TASOR: variants seen among roughly 807,000 people sequenced by gnomAD.
The protein encoded by TASOR is protein TASOR.
A neutral mutation model predicts 178.6 loss-of-function variants in TASOR; 53 were observed. The ratio of observed to expected loss-of-function variants is 0.30; its 90% CI spans 0.24 to 0.37. TASOR has a LOEUF of 0.37. TASOR is among the 10% of genes least tolerant of loss of function. The pLI, the probability that TASOR is intolerant of heterozygous loss-of-function variation, is 1.00. For synonymous variants in TASOR, 713 were observed against 696.2 expected (o/e 1.02, Z -0.38); for missense variants, 1,815 against 1,971.4 (o/e 0.92, Z 1.50).
chr3:56,630,901 A>T (rs900849759), intron 18 of TASOR, among the ~76,000 whole-genome samples: 1 of 135,508 alleles, frequency 7.4e-6, no homozygotes, highest in Non-Finnish European at 1.6e-5. Context: ...AAATCCTTTT[A>T]AAAAAAGGAG....
intron 21 of TASOR, among the ~76,000 whole-genome samples, chr3:56,626,101 T>C (rs2076793497): frequency 6.6e-6 from 1 of 152,242 alleles, no homozygotes; most frequent in South Asian, 2.1e-4. Context: ...AAGGAAATAA[T>C]GATTGACACA....
At chr3:56,640,328 C>G (rs578032411) in intron 15 of TASOR, among the ~76,000 whole-genome samples, 198 bp from the exon 16 acceptor site, 72 of 152,188 alleles carry the variant, frequency 4.7e-4, no homozygotes, top group Non-Finnish European at 8.8e-4. Flanking sequence ...TAATTTAGAA[C>G]AGGGATTGGT....
intron 13 of TASOR, among the ~76,000 whole-genome samples, chr3:56,648,594 G>GCACT (rs751507140): frequency 9.9e-5 from 13 of 130,910 alleles, no homozygotes; most frequent in Admixed American, 9.9e-4. Flanking sequence ...TCGCGCCCCT[G>GCACT]CACTCCAGCC....
Position 56,622,484 on chromosome 3 carries a change from G to A in TASOR, c.*553C>T, listed in dbSNP as rs1471809150. ...AAAAGTTACCAGAATTTTAGCAATA[G>A]GCAGTTTTTACATGACTAAGCCTAG... is the stretch of plus-strand genomic sequence containing the variant. On this transcript the variant is annotated 3_prime_UTR_variant, in exon 24 of 24. Coordinates refer to ENST00000683822, the MANE Select transcript of TASOR (RefSeq NM_001365635.2). 6.6e-6 allele frequency: 1 copy of A among 152,510 alleles called. No individual in the cohort carries two copies. Among genetic ancestry groups the A allele is most frequent in the African/African-American group, 2.4e-5 (1 of 41,416 alleles). The allele number at this position is 152,510 out of a possible 1,614,324, so 9.4% of individuals were successfully genotyped here. A position where few individuals can be genotyped will look rare whatever the true frequency, so the allele number is the denominator to read the frequency against.
In TASOR at chr3:56,641,494, T is replaced by G; in HGVS notation, c.2474A>C (p.Tyr825Ser). Residue 825 changes from tyrosine to serine, a missense_variant, in exon 15 of 24, where the codon TAT (tyrosine) becomes TCT (serine). By Grantham distance (144) the Tyr-to-Ser change is moderately radical (BLOSUM62 -2). Coordinates refer to ENST00000683822, the MANE Select transcript of TASOR (RefSeq NM_001365635.2). ...AACTTTTGCACAAGTAGGCTGCTCATAGTCTTTCTTATCTGGGGTAGAGTT... is the reference window on the plus strand; with the variant it reads ...AACTTTTGCACAAGTAGGCTGCTCAGAGTCTTTCTTATCTGGGGTAGAGTT... ...ELNSTPDKKD[Y>S]EQPTCAKVEN... is the part of the protein sequence containing the mutation. 1.2e-6 allele frequency: 2 copies of G among 1,614,014 alleles called. No homozygotes were observed. Among genetic ancestry groups the G allele is most frequent in the Non-Finnish European group, 8.5e-7 (1 of 1,179,842 alleles).
At chr3:56,662,524 C>A in intron 8 of TASOR, 34 bp from the exon 9 acceptor site, 1 of 1,092,860 alleles carries the variant, frequency 9.2e-7, no homozygotes, top group South Asian at 1.5e-5. Flanking sequence ...ACAGCTTAGT[C>A]ACTTGGCAGC....
intron 7 of TASOR, chr3:56,663,806 T>G: frequency 9.9e-7 from 1 of 1,010,426 alleles, no homozygotes; most frequent in Non-Finnish European, 1.2e-6. Context: ...TTTAAGGGAG[T>G]TGTTTTTTCC....
chr3:56,638,768 G>A lies in TASOR; in HGVS notation c.2765-3C>T, dbSNP rs1304936514. On this transcript the variant is annotated splice_region_variant and splice_polypyrimidine_tract_variant and intron_variant, in intron 16 of 23. Transcript: ENST00000683822. Reference sequence around the variant, plus strand: ...TTCTGGGCTTCTTGCATTCCCTCCTGAGGGAAAGCATCCATTAGACTCTCT... The same window carrying A: ...TTCTGGGCTTCTTGCATTCCCTCCTAAGGGAAAGCATCCATTAGACTCTCT... The A allele has an allele frequency of 6.2e-7, 1 of 1,613,974 alleles. No homozygotes were observed. Among genetic ancestry groups the A allele is most frequent in the Non-Finnish European group, 8.5e-7 (1 of 1,179,912 alleles).
chr3:56,667,643 C>A (rs933933252), intron 6 of TASOR, among the ~76,000 whole-genome samples: 4 of 152,160 alleles, frequency 2.6e-5, no homozygotes, highest in East Asian at 3.9e-4. Context: ...GACAACAGAG[C>A]GAGACTCCGT....
intron 17 of TASOR, 42 bp from the exon 18 acceptor site, chr3:56,634,008 G>T: frequency 7.0e-7 from 1 of 1,432,554 alleles, no homozygotes; most frequent in Non-Finnish European, 9.2e-7. Context: ...AATCCAAAAA[G>T]ATAAGATATG....
chr3:56,648,942 T>G, intron 12 of TASOR, 43 bp downstream of exon 12: 1 of 1,597,656 alleles, frequency 6.3e-7, no homozygotes, highest in African/African-American at 1.4e-5. Context: ...AACTAAAAAG[T>G]TAAGAAAGAA....
At position 56,666,359 on chromosome 3, in the gene TASOR, T is replaced by G; in HGVS notation, c.923A>C (p.Asp308Ala). The change falls in exon 7 of 24, where the codon GAT (aspartate) becomes GCT (alanine). Residue 308 changes from aspartate (D) to alanine (A), a missense_variant. Asp to Ala is a moderately radical substitution (Grantham distance 126). Coordinates refer to ENST00000683822, the MANE Select transcript of TASOR (RefSeq NM_001365635.2). ...GTGTCTTGGTCTTCGCCTTAGCTCATCAAAGCCATACTCATAAAAATAATA... is the reference window on the plus strand; with the variant it reads ...GTGTCTTGGTCTTCGCCTTAGCTCAGCAAAGCCATACTCATAAAAATAATA... The part of the protein sequence containing the change: ...TQYYFYEYGF[D>A]ELRRRPRHVC... 2.0e-6 allele frequency: 3 copies of G among 1,532,606 alleles called. No homozygotes were observed. Among genetic ancestry groups the G allele is most frequent in the Non-Finnish European group, 2.6e-6 (3 of 1,139,872 alleles). The allele number at this position is 1,532,606 out of a possible 1,614,324, so 94.9% of individuals were successfully genotyped here.
chr3:56,638,629 T>C, intron 17 of TASOR, 77 bp downstream of exon 17: 3 of 1,472,542 alleles, frequency 2.0e-6, no homozygotes, highest in Non-Finnish European at 2.9e-6. Context: ...AATGCCCTAT[T>C]GATGGAGTAT....
chr3:56,624,905 C>T lies in TASOR; in HGVS notation c.4241G>A (p.Arg1414Gln), dbSNP rs2076764790. 7 of 1,614,046 alleles carry T rather than the reference C, an allele frequency of 4.3e-6. No homozygotes were observed. Among genetic ancestry groups the T allele is most frequent in the South Asian group, 2.2e-5 (2 of 91,088 alleles). ...AAGGCAATCCAATTCTGGAGCATTT[C>T]GAGTTTGTGAATCACAATTGTGGTA... is the stretch of plus-strand genomic sequence containing the variant. Reference protein sequence around the residue: ...LSYHNCDSQTRNAPELDCLIR... With the variant: ...LSYHNCDSQTQNAPELDCLIR... Residue 1414 changes from arginine (R) to glutamine (Q), a missense_variant, in exon 22 of 24, where the codon CGA becomes CAA. By Grantham distance (43) the Arg-to-Gln change is conservative (BLOSUM62 1). Transcript: ENST00000683822.
intron 7 of TASOR, chr3:56,663,900 T>A: frequency 5.1e-6 from 5 of 971,156 alleles, no homozygotes; most frequent in Non-Finnish European, 6.1e-6. Flanking sequence ...AGCCTCAATA[T>A]ATAAATATAT....
Position 56,666,352 on chromosome 3 carries a change from T to C in TASOR, c.930A>G (p.Leu310=). Residue 310 remains leucine, a synonymous_variant, in exon 7 of 24, where the codon CTA becomes CTG. Coordinates refer to ENST00000683822, the MANE Select transcript of TASOR (RefSeq NM_001365635.2). ...GACAAACGTGTCTTGGTCTTCGCCTTAGCTCATCAAAGCCATACTCATAAA... is the reference window on the plus strand; with the variant it reads ...GACAAACGTGTCTTGGTCTTCGCCTCAGCTCATCAAAGCCATACTCATAAA... ...YYFYEYGFDE[L]RRRPRHVCPY... is the part of the protein sequence containing the mutation. 1 of 1,540,116 alleles carries C rather than the reference T, an allele frequency of 6.5e-7. No homozygotes were observed. Among genetic ancestry groups the C allele is most frequent in the East Asian group, 2.5e-5 (1 of 40,622 alleles).
chr3:56,671,511 T>C (rs2030733400), intron 3 of TASOR, 89 bp downstream of exon 3: 1 of 884,894 alleles, frequency 1.1e-6, no homozygotes, highest in Non-Finnish European at 1.7e-6. Flanking sequence ...AAGTCTGTAA[T>C]TGTAAAGAAT....
chr3:56,657,023 G>A (rs1218667698), intron 11 of TASOR, among the ~76,000 whole-genome samples: 9 of 146,966 alleles, frequency 6.1e-5, no homozygotes, highest in Non-Finnish European at 1.1e-4. Context: ...AAAAAAAAAA[G>A]AATACACTAA....
intron 13 of TASOR, among the ~76,000 whole-genome samples, chr3:56,648,028 G>A (rs764161340): frequency 7.2e-5 from 11 of 151,890 alleles, no homozygotes; most frequent in Non-Finnish European, 1.5e-4. Flanking sequence ...GTGAGATCCT[G>A]CTTCTAAAGA....
Sources: allele counts gnomAD v4.1 joint callset (sites outside exome capture counted in the v4.1 genomes callset), GRCh38; gene constraint gnomAD v4.1.1; transcripts MANE v1.5; gene names NCBI Gene and HGNC (gene_info 2026-07-23, HGNC 2026-07-21).